The following ATRNL1 variants were observed in gnomAD, a reference collection of about 807,000 sequenced individuals.
ATRNL1 encodes the protein attractin like 1.
In ATRNL1, 95 loss-of-function variants were observed where a neutral mutation model predicts 182.7. That is an observed-to-expected ratio of 0.52 (90% CI 0.44 to 0.62). The LOEUF (loss-of-function observed/expected upper bound fraction) is 0.62. ATRNL1 is among the 20% of genes least tolerant of loss of function. The pLI, the probability that ATRNL1 is intolerant of heterozygous loss-of-function variation, is 0.00. For synonymous variants in ATRNL1, 576 were observed against 568.3 expected, an observed-to-expected ratio of 1.01 and a Z score of -0.19; for missense variants, 1,471 against 1,679.5, an observed-to-expected ratio of 0.88 and a Z score of 2.17.
intron 15 of ATRNL1, 82 bp downstream of exon 15, chr10:115,286,479 CATT>C (rs1160565861): frequency 2.4e-6 from 2 of 841,434 alleles, no homozygotes; most frequent in Non-Finnish European, 1.7e-6. Context: ...GGTTTTAATA[CATT>C]ATTGTTGCTA....
At chr10:115,138,034 C>A (rs1453912032) in intron 5 of ATRNL1, among the ~76,000 whole-genome samples, 2 of 152,180 alleles carry the variant, frequency 1.3e-5, no homozygotes, top group African/African-American at 4.8e-5. Flanking sequence ...GGCCACAGGC[C>A]TCATGCAAGT....
intron 26 of ATRNL1, among the ~76,000 whole-genome samples, chr10:115,717,251 C>G (rs1947280868): frequency 6.6e-6 from 1 of 152,018 alleles, no homozygotes; most frequent in South Asian, 2.1e-4. Flanking sequence ...ATTTCTTGTG[C>G]CATTTTGTTC....
At chr10:115,670,511 C>T (rs1945662016) in intron 26 of ATRNL1, among the ~76,000 whole-genome samples, 3 of 152,006 alleles carry the variant, frequency 2.0e-5, no homozygotes, top group Non-Finnish European at 4.4e-5. Flanking sequence ...TTAATAATAA[C>T]TTGTGTGAGT....
At chr10:115,354,197 ATTC>A (rs75970595) in intron 19 of ATRNL1, among the ~76,000 whole-genome samples, 52,167 of 151,644 alleles carry the variant, frequency 0.34, 10,144 homozygotes, top group East Asian at 0.69. Context: ...GCCCATGACA[ATTC>A]TTCTTCTAAT....
At chr10:115,919,957 A>G (rs985664571) in intron 28 of ATRNL1, among the ~76,000 whole-genome samples, 14 of 152,116 alleles carry the variant, frequency 9.2e-5, no homozygotes, top group African/African-American at 3.4e-4. Flanking sequence ...CCACCTACTA[A>G]TATCATCACA....
At chr10:115,589,768 C>T (rs1855794207) in intron 26 of ATRNL1, among the ~76,000 whole-genome samples, 1 of 151,984 alleles carries the variant, frequency 6.6e-6, no homozygotes, top group African/African-American at 2.4e-5. Flanking sequence ...CATAATTTTT[C>T]CCAAAAGTCT....
intron 26 of ATRNL1, among the ~76,000 whole-genome samples, chr10:115,553,125 A>C (rs1345428419): frequency 6.6e-6 from 1 of 151,366 alleles, no homozygotes; most frequent in African/African-American, 2.4e-5. Context: ...TGAAGATATT[A>C]TAATTGTTCC....
intron 27 of ATRNL1, among the ~76,000 whole-genome samples, chr10:115,779,510 A>G (rs1555078767): frequency 6.6e-6 from 1 of 152,216 alleles, no homozygotes; most frequent in Non-Finnish European, 1.5e-5. Context: ...CTCAATGTGC[A>G]CAATCAAGGG....
intron 28 of ATRNL1, among the ~76,000 whole-genome samples, chr10:115,937,250 A>G (rs1011969743): frequency 3.9e-5 from 6 of 152,222 alleles, no homozygotes; most frequent in African/African-American, 1.4e-4. Context: ...ATTGTAAAAT[A>G]TTATGATATG....
At chr10:115,627,331 C>T (rs1432056536) in intron 26 of ATRNL1, among the ~76,000 whole-genome samples, 3 of 152,062 alleles carry the variant, frequency 2.0e-5, no homozygotes, top group East Asian at 1.9e-4. Flanking sequence ...CTTATCTTTA[C>T]GTTTTTGAAG....
intron 25 of ATRNL1, among the ~76,000 whole-genome samples, chr10:115,545,325 C>A (rs7077948): frequency 0.027 from 4,077 of 150,190 alleles, 218 homozygotes; most frequent in African/African-American, 0.096. Flanking sequence ...ATATATTTTA[C>A]TGGATTTTTG....
At chr10:115,300,918 C>T (rs1258690195) in intron 16 of ATRNL1, among the ~76,000 whole-genome samples, 2 of 152,054 alleles carry the variant, frequency 1.3e-5, no homozygotes, top group African/African-American at 2.4e-5. Flanking sequence ...CCCTACAGTC[C>T]CTAGCAACTA....
chr10:115,784,823 C>T (rs1177801091), intron 27 of ATRNL1, among the ~76,000 whole-genome samples: 1 of 152,124 alleles, frequency 6.6e-6, no homozygotes, highest in Non-Finnish European at 1.5e-5. Flanking sequence ...CCAATACGAC[C>T]TCATTTTAAC....
At chr10:115,321,978 G>C (rs572763537) in intron 18 of ATRNL1, among the ~76,000 whole-genome samples, 82 of 151,904 alleles carry the variant, frequency 5.4e-4, no homozygotes, top group Non-Finnish European at 6.3e-4. Context: ...ACAATGACTA[G>C]GAGAAAAGGA....
chr10:115,389,554 A>ATATGTATG (rs1554953838), intron 19 of ATRNL1, among the ~76,000 whole-genome samples: 1 of 72,554 alleles, frequency 1.4e-5, no homozygotes, highest in African/African-American at 4.9e-5. Flanking sequence ...ATATATATAT[A>ATATGTATG]TATATATATA....
intron 7 of ATRNL1, 93 bp from the exon 8 acceptor site, chr10:115,170,944 A>G: frequency 1.3e-6 from 1 of 785,380 alleles, no homozygotes; most frequent in Non-Finnish European, 1.8e-6. Context: ...AACAATTACT[A>G]AAATTTTATG....
intron 26 of ATRNL1, among the ~76,000 whole-genome samples, chr10:115,622,379 A>C (rs1857823685): frequency 6.6e-6 from 1 of 152,236 alleles, no homozygotes; most frequent in South Asian, 2.1e-4. Context: ...TTATGCATCC[A>C]GCTAGCTATC....
intron 27 of ATRNL1, among the ~76,000 whole-genome samples, chr10:115,841,949 C>G (rs1276609543): frequency 6.6e-6 from 1 of 152,042 alleles, no homozygotes; most frequent in East Asian, 1.9e-4. Context: ...TGACTAAAAA[C>G]TAAATTTCAT....
chr10:115,488,012 C>T (rs1554975590), intron 24 of ATRNL1, among the ~76,000 whole-genome samples: 1 of 151,958 alleles, frequency 6.6e-6, no homozygotes, highest in East Asian at 1.9e-4. Context: ...TCTGTTTATG[C>T]GATGGACTAG....
Sources: gnomAD v4.1 joint callset for allele counts (sites outside exome capture counted in the v4.1 genomes callset) on GRCh38, gnomAD v4.1.1 for gene constraint, MANE v1.5 for transcripts, NCBI Gene and HGNC (gene_info 2026-07-23, HGNC 2026-07-21) for gene names.